Variants in CNTN4 observed in about 807,000 individuals in gnomAD.
CNTN4 encodes contactin-4.
Under a neutral mutation model 122.5 loss-of-function variants are expected in CNTN4, and 77 were observed. The observed-to-expected ratio is 0.63, with a 90% CI of 0.52 to 0.76. The LOEUF (loss-of-function observed/expected upper bound fraction) is 0.76. Ranked by LOEUF, CNTN4 falls within the 30% of genes least tolerant of loss-of-function variation. CNTN4 has a pLI of 0.00. For missense variants in CNTN4, 1,256 were observed against 1,259.1 expected (o/e 1.00, Z 0.04); for synonymous variants, 512 against 447.0 (o/e 1.15, Z -1.83).
intron 8 of CNTN4, among the ~76,000 whole-genome samples, chr3:2,873,718 C>G (rs1448022255): frequency 6.6e-6 from 1 of 152,174 alleles, no homozygotes; most frequent in Non-Finnish European, 1.5e-5. Context: ...TTGTAGGCCA[C>G]TTAATTAACC....
chr3:2,710,071 G>A (rs1217829074), intron 4 of CNTN4, among the ~76,000 whole-genome samples: 1 of 152,126 alleles, frequency 6.6e-6, no homozygotes, highest in Non-Finnish European at 1.5e-5. Context: ...TTAGCACTAG[G>A]TATAATATTA....
At chr3:2,808,228 A>C (rs1269927467) in intron 6 of CNTN4, among the ~76,000 whole-genome samples, 3 of 152,068 alleles carry the variant, frequency 2.0e-5, no homozygotes, top group Non-Finnish European at 4.4e-5. Context: ...TTATGTCTCC[A>C]TTTAGTAATA....
chr3:2,261,061 T>C (rs1476185), intron 2 of CNTN4, among the ~76,000 whole-genome samples: 110,926 of 152,094 alleles, frequency 0.73, 40,521 homozygotes, highest in South Asian at 0.82. Context: ...AAATACTGTG[T>C]AGCATATTCA....
intron 3 of CNTN4, among the ~76,000 whole-genome samples, chr3:2,558,010 G>A (rs935601791): frequency 4.6e-5 from 7 of 152,072 alleles, no homozygotes; most frequent in Non-Finnish European, 1.0e-4. Context: ...ATGGTATACT[G>A]TATGTACATA....
intron 13 of CNTN4, among the ~76,000 whole-genome samples, chr3:2,970,731 C>T (rs1692821008): frequency 6.6e-6 from 1 of 152,164 alleles, no homozygotes; most frequent in Non-Finnish European, 1.5e-5. Context: ...CAAGCATGAA[C>T]CACCATGCCC....
intron 2 of CNTN4, among the ~76,000 whole-genome samples, chr3:2,118,685 G>C (rs2033533428): frequency 6.6e-6 from 1 of 152,118 alleles, no homozygotes; most frequent in South Asian, 2.1e-4. Flanking sequence ...TATTGAGTTT[G>C]ATAGATTTTT....
At chr3:2,720,382 T>C (rs2087768576) in intron 4 of CNTN4, among the ~76,000 whole-genome samples, 1 of 150,500 alleles carries the variant, frequency 6.6e-6, no homozygotes. Context: ...TCTAAACTAT[T>C]CTGAGCCTGA....
chr3:2,593,513 A>G (rs2080605041), intron 4 of CNTN4, among the ~76,000 whole-genome samples: 3 of 152,200 alleles, frequency 2.0e-5, no homozygotes, highest in African/African-American at 7.2e-5. Context: ...GAAATGATCA[A>G]GTAATAGTTA....
chr3:2,556,745 T>G (rs1485408186), intron 3 of CNTN4, among the ~76,000 whole-genome samples: 1 of 152,162 alleles, frequency 6.6e-6, no homozygotes, highest in Non-Finnish European at 1.5e-5. Flanking sequence ...GTATTTTTCC[T>G]GTATTCTAAC....
intron 7 of CNTN4, among the ~76,000 whole-genome samples, chr3:2,858,936 G>A (rs762781551): frequency 3.9e-5 from 6 of 152,090 alleles, no homozygotes; most frequent in African/African-American, 7.2e-5. Flanking sequence ...TTTACTCTCA[G>A]CAATTTTCAA....
chr3:2,346,767 T>C (rs947444714), intron 3 of CNTN4, among the ~76,000 whole-genome samples: 5 of 152,332 alleles, frequency 3.3e-5, no homozygotes, highest in South Asian at 4.1e-4. Flanking sequence ...AGATATTTCT[T>C]ACATTTGGAG....
chr3:2,371,676 A>G (rs1323793842), intron 3 of CNTN4, among the ~76,000 whole-genome samples: 1 of 152,204 alleles, frequency 6.6e-6, no homozygotes. Flanking sequence ...TTATATCCCC[A>G]GTGCCTTTCA....
At chr3:2,546,934 G>A (rs1317465000) in intron 3 of CNTN4, among the ~76,000 whole-genome samples, 1 of 152,090 alleles carries the variant, frequency 6.6e-6, no homozygotes, top group Non-Finnish European at 1.5e-5. Context: ...AAAATCATTA[G>A]GTATGATGAT....
chr3:2,380,437 A>T (rs529152271), intron 3 of CNTN4, among the ~76,000 whole-genome samples: 1 of 136,982 alleles, frequency 7.3e-6, no homozygotes, highest in Non-Finnish European at 1.6e-5. Context: ...AAATGTGTCT[A>T]TTTTACCTTT....
chr3:2,787,793 G>GTTT lies in CNTN4; in HGVS notation c.359-31681_359-31679dup, dbSNP rs10538575. ...CTGCCATATTGTTTTGTGGGTTTTT[G>GTTT]TTTTTTTTTTTTTTGAGGCAGGGTC... On this transcript the variant is annotated intron_variant, in intron 6 of 24. Coordinates refer to ENST00000418658, the MANE Select transcript of CNTN4 (RefSeq NM_175607.3). Among the ~76,000 whole-genome samples, 992 of 138,482 alleles carry GTTT rather than the reference G, an allele frequency of 7.2e-3. 8 individuals are homozygous for GTTT. The highest frequency in any genetic ancestry group is 0.025 in the African/African-American group (935 of 37,856). 90.8% of individuals were successfully genotyped at this position (138,482 alleles called of 152,430 possible).
intron 2 of CNTN4, among the ~76,000 whole-genome samples, chr3:2,307,434 CAAAAA>C (rs61558669): frequency 1.4e-3 from 171 of 124,548 alleles, no homozygotes; most frequent in Non-Finnish European, 9.4e-4. Flanking sequence ...GACTCCATCT[CAAAAA>C]AAAAAAAAAA....
At chr3:2,231,398 A>C (rs2039483873) in intron 2 of CNTN4, among the ~76,000 whole-genome samples, 1 of 152,206 alleles carries the variant, frequency 6.6e-6, no homozygotes, top group East Asian at 1.9e-4. Flanking sequence ...TTTGTCATTC[A>C]GATGATCTCC....
At chr3:2,360,047 C>T (rs1216715050) in intron 3 of CNTN4, among the ~76,000 whole-genome samples, 3 of 152,166 alleles carry the variant, frequency 2.0e-5, no homozygotes, top group Non-Finnish European at 2.9e-5. Flanking sequence ...CATTATCTGC[C>T]AGATCTTCTC....
At chr3:2,910,094 T>C (rs140211557) in intron 12 of CNTN4, among the ~76,000 whole-genome samples, 4 of 152,268 alleles carry the variant, frequency 2.6e-5, no homozygotes, top group African/African-American at 9.6e-5. Flanking sequence ...AGAGAGTGAA[T>C]AGGAATAAAG....
Sources: allele counts gnomAD v4.1 joint callset (sites outside exome capture counted in the v4.1 genomes callset), GRCh38; gene constraint gnomAD v4.1.1; transcripts MANE v1.5; gene names NCBI Gene and HGNC (gene_info 2026-07-23, HGNC 2026-07-21).